SMYD3: variants seen among roughly 807,000 people sequenced by gnomAD.
The protein encoded by SMYD3 is SET and MYND domain containing 3.
SMYD3 carries 36 observed loss-of-function variants against 57.7 expected under a neutral mutation model. That is an observed-to-expected ratio of 0.62 (90% CI 0.48 to 0.82). The LOEUF (loss-of-function observed/expected upper bound fraction) is 0.82. Among genes scored for constraint, SMYD3 ranks in the 40% least tolerant of loss-of-function variants. The pLI is 0.00. For synonymous variants in SMYD3, 211 were observed against 195.0 expected (o/e 1.08, Z -0.68); for missense variants, 515 against 538.8 (o/e 0.96, Z 0.44).
chr1:246,017,036 T>G (rs563898143), intron 5 of SMYD3, among the ~76,000 whole-genome samples: 15 of 152,314 alleles, frequency 9.8e-5, no homozygotes, highest in African/African-American at 3.1e-4. Flanking sequence ...TTTCCAAAGT[T>G]TTTTGTTCCC....
intron 5 of SMYD3, among the ~76,000 whole-genome samples, chr1:246,199,825 G>A (rs2062881757): frequency 1.3e-5 from 2 of 152,270 alleles, no homozygotes; most frequent in African/African-American, 4.8e-5. Context: ...CACTGTAACA[G>A]AGAAGATGGA....
At chr1:245,749,830 C>CA (rs1471047535) in intron 11 of SMYD3, among the ~76,000 whole-genome samples, 166 bp from the exon 12 acceptor site, 1 of 152,150 alleles carries the variant, frequency 6.6e-6, no homozygotes, top group Admixed American at 6.6e-5. Flanking sequence ...TGGAAAGTCA[C>CA]ATGAAAAGGG....
intron 5 of SMYD3, among the ~76,000 whole-genome samples, chr1:246,168,404 A>AATG (rs957341617): frequency 4.6e-5 from 7 of 152,208 alleles, no homozygotes; most frequent in African/African-American, 1.7e-4. Context: ...ATGGCCCCAT[A>AATG]ATGAAAAGCA....
chr1:246,132,706 T>G (rs1401183570), intron 5 of SMYD3, among the ~76,000 whole-genome samples: 1 of 152,144 alleles, frequency 6.6e-6, no homozygotes, highest in Non-Finnish European at 1.5e-5. Context: ...ATCCATAGAA[T>G]GGGAGAAAAT....
intron 5 of SMYD3, among the ~76,000 whole-genome samples, chr1:246,080,356 G>A (rs2060620218): frequency 7.5e-6 from 1 of 133,354 alleles, no homozygotes; most frequent in Admixed American, 7.0e-5. Flanking sequence ...ATGAGGGCGT[G>A]AACCCTATTG....
At chr1:246,197,427 C>A (rs1185955570) in intron 5 of SMYD3, among the ~76,000 whole-genome samples, 1 of 152,012 alleles carries the variant, frequency 6.6e-6, no homozygotes, top group South Asian at 2.1e-4. Flanking sequence ...GTAATGAAAA[C>A]GGCACTTTAT....
intron 1 of SMYD3, among the ~76,000 whole-genome samples, chr1:246,396,929 A>G (rs1176257290): frequency 1.3e-5 from 2 of 152,246 alleles, no homozygotes; most frequent in Non-Finnish European, 1.5e-5. Context: ...AACAAGTACA[A>G]AAACTACGGC....
chr1:246,098,608 T>C (rs781302297), intron 5 of SMYD3, among the ~76,000 whole-genome samples: 32 of 152,236 alleles, frequency 2.1e-4, no homozygotes, highest in Non-Finnish European at 4.3e-4. Context: ...AGAACTTTTT[T>C]GAGGCTGAGT....
chr1:245,799,084 C>T lies in SMYD3; in HGVS notation c.1077-34935G>A, dbSNP rs909037481. Reference sequence around the variant, plus strand: ...CTCCATAGCAGAGAACCTGCCTACTCCTCTGAGAGATGATAAATGCTCCCA... The same window carrying T: ...CTCCATAGCAGAGAACCTGCCTACTTCTCTGAGAGATGATAAATGCTCCCA... On this transcript the variant is annotated intron_variant, in intron 10 of 11. Transcript: ENST00000490107. Among the ~76,000 whole-genome samples the T allele has an allele frequency of 2.6e-5, 4 of 152,352 alleles. No homozygotes were observed. In the South Asian group the frequency reaches 8.3e-4, roughly 32 times the overall value.
intron 5 of SMYD3, among the ~76,000 whole-genome samples, chr1:246,040,778 G>A (rs1158658174): frequency 6.6e-6 from 1 of 152,140 alleles, no homozygotes. Context: ...GAATTTTGTG[G>A]TCTACATGTC....
chr1:246,403,482 T>G (rs948725826), intron 1 of SMYD3, among the ~76,000 whole-genome samples: 1 of 152,176 alleles, frequency 6.6e-6, no homozygotes, highest in Non-Finnish European at 1.5e-5. Context: ...TATATCCCAG[T>G]TTCCTTCTTT....
chr1:245,763,292 G>A (rs1009697146), intron 11 of SMYD3, among the ~76,000 whole-genome samples: 3 of 152,046 alleles, frequency 2.0e-5, no homozygotes, highest in East Asian at 1.9e-4. Context: ...AGATAACCAC[G>A]AAGCCCTCAC....
intron 1 of SMYD3, among the ~76,000 whole-genome samples, chr1:246,383,530 A>G (rs2066423420): frequency 6.6e-6 from 1 of 152,214 alleles, no homozygotes; most frequent in Non-Finnish European, 1.5e-5. Context: ...CCATATCTGA[A>G]ATGGAATTAC....
At chr1:245,957,513 C>CA (rs1282817312) in intron 5 of SMYD3, among the ~76,000 whole-genome samples, 2 of 152,232 alleles carry the variant, frequency 1.3e-5, no homozygotes, top group Non-Finnish European at 2.9e-5. Flanking sequence ...CTAACTTGAG[C>CA]TATCATTTCA....
chr1:246,288,485 G>C (rs905044788), intron 5 of SMYD3, among the ~76,000 whole-genome samples: 2 of 152,036 alleles, frequency 1.3e-5, no homozygotes, highest in Non-Finnish European at 2.9e-5. Context: ...TGACCCAGTG[G>C]GGGTAATGCA....
chr1:246,296,358 T>C (rs555596067), intron 5 of SMYD3, among the ~76,000 whole-genome samples: 2 of 152,310 alleles, frequency 1.3e-5, no homozygotes, highest in South Asian at 4.2e-4. Flanking sequence ...CAGAACTGTA[T>C]ATGCATGCTG....
At chr1:246,387,536 T>G (rs141919142) in intron 1 of SMYD3, among the ~76,000 whole-genome samples, 3,941 of 152,320 alleles carry the variant, frequency 0.026, 64 homozygotes, top group African/African-American at 0.033. Flanking sequence ...TAAAAGTACC[T>G]GGCTTCCTGG....
At position 246,327,334 on chromosome 1, in the gene SMYD3, A is replaced by T. The variant is rs781572915; in HGVS notation, c.398T>A (p.Ile133Asn). 2 of 1,607,264 alleles carry T rather than the reference A, an allele frequency of 1.2e-6. No individual in the cohort carries two copies. Among genetic ancestry groups the T allele is most frequent in the African/African-American group, 1.3e-5 (1 of 74,302 alleles). The change falls in exon 5 of 12, where the codon ATT becomes AAT. Residue 133 changes from isoleucine (I) to asparagine (N), a missense_variant. By Grantham distance (149) the Ile-to-Asn change is moderately radical. Transcript: ENST00000490107. ...LYSFYDLESN[I>N]NKLTEDKKEG... Reference sequence around the variant, plus strand: ...TTTCTTATCTTCAGTCAGTTTGTTAATATCTTTTTTAAAGAGAAAATAAAT... The same window carrying T: ...TTTCTTATCTTCAGTCAGTTTGTTATTATCTTTTTTAAAGAGAAAATAAAT...
chr1:245,787,175 AT>A (rs11351690), intron 10 of SMYD3, among the ~76,000 whole-genome samples: 11,475 of 152,130 alleles, frequency 0.075, 1,480 homozygotes, highest in African/African-American at 0.26. Flanking sequence ...ATATTTCAGT[AT>A]TTTTTTACAG....
Sources: allele counts gnomAD v4.1 joint callset (sites outside exome capture counted in the v4.1 genomes callset), GRCh38; gene constraint gnomAD v4.1.1; transcripts MANE v1.5; gene names NCBI Gene and HGNC (gene_info 2026-07-23, HGNC 2026-07-21).